DGCR6L: variants seen among roughly 807,000 people sequenced by gnomAD.
The protein encoded by DGCR6L is DiGeorge syndrome critical region gene 6 like.
A neutral mutation model predicts 31.1 loss-of-function variants in DGCR6L; 24 were observed. The observed-to-expected ratio is 0.77, with a 90% CI of 0.56 to 1.08. DGCR6L has a LOEUF of 1.08. Among genes scored for constraint, DGCR6L ranks in the 50% least tolerant of loss-of-function variants. The pLI, the probability that DGCR6L is intolerant of heterozygous loss-of-function variation, is 0.00. For synonymous variants in DGCR6L, 104 were observed against 126.1 expected, an observed-to-expected ratio of 0.82 and a Z score of 1.17; for missense variants, 218 against 287.1, an observed-to-expected ratio of 0.76 and a Z score of 1.74.
At chr22:20,318,679 C>T (rs949990333) in intron 2 of DGCR6L, 1 of 152,190 alleles carries the variant, frequency 6.6e-6, no homozygotes, top group Non-Finnish European at 1.5e-5. Context: ...GTGTAGGAGA[C>T]CAGTTTTGTT....
chr22:20,317,356 C>G (rs77204185), intron 2 of DGCR6L, among the ~76,000 whole-genome samples: 1 of 152,274 alleles, frequency 6.6e-6, no homozygotes, highest in Non-Finnish European at 1.5e-5. Flanking sequence ...GGTCCACTAC[C>G]AGATTCCACT....
chr22:20,316,553 A>G (rs572537468), intron 2 of DGCR6L, among the ~76,000 whole-genome samples: 5 of 152,346 alleles, frequency 3.3e-5, no homozygotes, highest in South Asian at 2.1e-4. Context: ...CAGGGCCCCC[A>G]TGGCCACAGG....
intron 2 of DGCR6L, 56 bp downstream of exon 2, chr22:20,319,583 T>G: frequency 6.3e-7 from 1 of 1,589,952 alleles, no homozygotes; most frequent in South Asian, 1.1e-5. Context: ...TACCAAGAGC[T>G]GCCCGGAGGC....
chr22:20,315,844 CCT>C (rs2051567234), intron 3 of DGCR6L, among the ~76,000 whole-genome samples: 1 of 152,186 alleles, frequency 6.6e-6, no homozygotes, highest in African/African-American at 2.4e-5. Context: ...TTTGTACCCC[CCT>C]GAGGCCACCT....
At position 20,314,662 on chromosome 22, in the gene DGCR6L, C is replaced by A; in HGVS notation, c.*13G>T. ...AAGAAGATGAACTCTGCCCAGACTT[C>A]TGCTGCCTGTGGCTATGGTGGGACA... On this transcript the variant is annotated 3_prime_UTR_variant, in exon 5 of 5. Transcript: ENST00000248879. The A allele has an allele frequency of 6.3e-7, 1 of 1,582,218 alleles. No homozygotes were observed. The highest frequency in any genetic ancestry group is 2.3e-5 in the East Asian group (1 of 44,332).
In DGCR6L at chr22:20,314,838, G is replaced by C. The variant is rs1295803015; in HGVS notation, c.514-14C>G. 1.9e-6 allele frequency: 3 copies of C among 1,610,558 alleles called. No individual in the cohort carries two copies. The highest frequency in any genetic ancestry group is 2.5e-6 in the Non-Finnish European group (3 of 1,178,780). ...CAGCATCAGCTCCTGGGATACAGAG[G>C]GGCCCCATGAAGGCCAGAGTGACCC... is the stretch of plus-strand genomic sequence containing the variant. On this transcript the variant is annotated splice_polypyrimidine_tract_variant and intron_variant, in intron 4 of 4. Transcript: ENST00000248879.
chr22:20,314,338 C>T lies in DGCR6L; in HGVS notation c.*337G>A. 2 of 272,622 alleles carry T rather than the reference C, an allele frequency of 7.3e-6. No homozygotes were observed. The highest frequency in any genetic ancestry group is 1.4e-4 in the East Asian group (2 of 14,496). 16.9% of individuals were successfully genotyped at this position (272,622 alleles called of 1,614,324 possible). The stretch of plus-strand genomic sequence containing the variant: ...ACACAGAGCTTGGGCCTGGGAGCCT[C>T]TTCTGCATGGGGGCTGCAGCTGCCA... On this transcript the variant is annotated 3_prime_UTR_variant, in exon 5 of 5. Transcript: ENST00000248879.
chr22:20,320,036 C>T lies in DGCR6L; in HGVS notation c.-48G>A. ...CGGCGGCGGCGACGAGCTCCCCCAG[C>T]TTCACGACATCCCGAGCGCGGCGCG... On this transcript the variant is annotated 5_prime_UTR_variant, in exon 1 of 5. Coordinates refer to ENST00000248879, the MANE Select transcript of DGCR6L (RefSeq NM_033257.4). 2 of 1,486,322 alleles carry T rather than the reference C, an allele frequency of 1.3e-6. No individual in the cohort carries two copies. The highest frequency in any genetic ancestry group is 1.8e-6 in the Non-Finnish European group (2 of 1,123,818). 92.1% of individuals were successfully genotyped at this position (1,486,322 alleles called of 1,614,324 possible).
At chr22:20,314,914 G>T (rs1326234488) in intron 4 of DGCR6L, 90 bp from the exon 5 acceptor site, 20 of 1,588,754 alleles carry the variant, frequency 1.3e-5, no homozygotes, top group Non-Finnish European at 1.7e-5. Context: ...AGCCCACGGG[G>T]GCGACCATCC....
chr22:20,319,378 T>C (rs1211531773), intron 2 of DGCR6L, among the ~76,000 whole-genome samples: 1 of 152,244 alleles, frequency 6.6e-6, no homozygotes, highest in Non-Finnish European at 1.5e-5. Context: ...CCATCCTGTC[T>C]GGAAGCGCGT....
chr22:20,318,463 CAA>C (rs3081924), intron 2 of DGCR6L: 50,555 of 151,980 alleles, frequency 0.33, 9,667 homozygotes, highest in Non-Finnish European at 0.44. Flanking sequence ...CTGGACTCTA[CAA>C]AAAAGTCAAT....
rs914901310 is a variant in DGCR6L at position 20,314,613 on chromosome 22, C to T, written c.*62G>A. The T allele has an allele frequency of 5.8e-5, 88 of 1,515,100 alleles. No homozygotes were observed. The highest frequency in any genetic ancestry group is 2.5e-4 in the Middle Eastern group (1 of 4,004). The allele number at this position is 1,515,100 out of a possible 1,614,324, so 93.9% of individuals were successfully genotyped here. A position where few individuals can be genotyped will look rare whatever the true frequency, so the allele number is the denominator to read the frequency against. On this transcript the variant is annotated 3_prime_UTR_variant, in exon 5 of 5. Coordinates refer to ENST00000248879, the MANE Select transcript of DGCR6L (RefSeq NM_033257.4). ...AGCAGGGGGAACCCCCTGCGGGCAG[C>T]TGGGAAGGCAGTGGCCAAAGGTCAA...
chr22:20,315,782 C>T (rs2051566744), intron 3 of DGCR6L, among the ~76,000 whole-genome samples: 1 of 152,180 alleles, frequency 6.6e-6, no homozygotes, highest in Non-Finnish European at 1.5e-5. Context: ...TGTCCCTGTG[C>T]TCCCTGGGAG....
intron 2 of DGCR6L, 29 bp downstream of exon 2, chr22:20,319,610 C>G: frequency 6.2e-7 from 1 of 1,607,194 alleles, no homozygotes; most frequent in East Asian, 2.2e-5. Context: ...CCGGAGGAGG[C>G]GGCACCTCAT....
At position 20,315,381 on chromosome 22, in the gene DGCR6L, C is replaced by T; in HGVS notation, c.468G>A (p.Leu156=). 6.2e-7 allele frequency: 1 copy of T among 1,613,960 alleles called. No homozygotes were observed. Among genetic ancestry groups the T allele is most frequent in the East Asian group, 2.2e-5 (1 of 44,888 alleles). The change falls in exon 4 of 5, where the codon CTG becomes CTA. Residue 156 remains leucine, a synonymous_variant. Coordinates refer to ENST00000248879, the MANE Select transcript of DGCR6L (RefSeq NM_033257.4). ...AGAAGCCAGCCACCCCCGCCTTCTC[C>T]AGTGTGCTCTGCTGGTCAGCCACCT... is the stretch of plus-strand genomic sequence containing the variant. ...DRKVADQQST[L]EKAGVAGFYV...
Position 20,316,144 on chromosome 22 carries a change from T to C in DGCR6L, c.347A>G (p.Gln116Arg), listed in dbSNP as rs771338222. 5.0e-6 allele frequency: 8 copies of C among 1,611,018 alleles called. No homozygotes were observed. Among genetic ancestry groups the C allele is most frequent in the Non-Finnish European group, 6.8e-6 (8 of 1,179,470 alleles). ...CTCTAGTTCTCGCTGCTGAGCCGCC[T>C]GAACCACAGGCAGGTTGTGGGGCCG... is the stretch of plus-strand genomic sequence containing the variant. The part of the protein sequence containing the change: ...ACRPHNLPVV[Q>R]AAQQRELEAV... The change falls in exon 3 of 5, where the codon CAG becomes CGG. Residue 116 changes from glutamine (Q) to arginine (R), a missense_variant. Physicochemically the swap from Gln to Arg is conservative, Grantham distance 43. Transcript: ENST00000248879.
At chr22:20,316,367 C>T (rs1039855840) in intron 2 of DGCR6L, 148 bp from the exon 3 acceptor site, 2 of 1,106,986 alleles carry the variant, frequency 1.8e-6, no homozygotes, top group African/African-American at 3.1e-5. Context: ...CCTCCCACCC[C>T]ACTGTCACCC....
intron 2 of DGCR6L, 75 bp from the exon 3 acceptor site, chr22:20,316,294 A>G (rs1338164448): frequency 2.1e-5 from 33 of 1,539,960 alleles, no homozygotes; most frequent in Non-Finnish European, 2.8e-5. Flanking sequence ...CTGCCTTGCC[A>G]GCCCAGCAGA....
chr22:20,314,743 C>A lies in DGCR6L; in HGVS notation c.595G>T (p.Gly199Ter). The stretch of plus-strand genomic sequence containing the variant: ...GGCGACTGCCAGGGACCTCCCAGTC[C>A]CAGGGCTGCATTCCCTGCCCGGCAG... ...RGCRAGNAAL[G>*]LGGPWQSPAA... Residue 199 changes from glycine (G) to a stop codon, truncating the protein, a stop_gained, in exon 5 of 5, where the codon GGA becomes TGA. Transcript: ENST00000248879. LOFTEE classifies it high-confidence loss of function. 3 of 1,612,310 alleles carry A rather than the reference C, an allele frequency of 1.9e-6. No individual in the cohort carries two copies. The South Asian group carries it at 3.3e-5, about 18-fold the overall frequency.
Sources: gnomAD v4.1 joint callset for allele counts (sites outside exome capture counted in the v4.1 genomes callset) on GRCh38, gnomAD v4.1.1 for gene constraint, MANE v1.5 for transcripts, NCBI Gene and HGNC (gene_info 2026-07-23, HGNC 2026-07-21) for gene names.